EVC2: variants seen among roughly 807,000 people sequenced by gnomAD.
EVC2 encodes the protein EvC ciliary complex subunit 2.
Under a neutral mutation model 149.3 loss-of-function variants are expected in EVC2, and 148 were observed. That is an observed-to-expected ratio of 0.99 (90% CI 0.87 to 1.14). The LOEUF is 1.14. EVC2 is among the 50% of genes most tolerant of loss of function. The pLI is 0.00. For missense variants in EVC2, 1,854 were observed against 1,627.3 expected, an observed-to-expected ratio of 1.14 and a Z score of -2.40; for synonymous variants, 776 against 649.9, an observed-to-expected ratio of 1.19 and a Z score of -2.95.
chr4:5,604,311 A>G (rs1476657138), intron 16 of EVC2, among the ~76,000 whole-genome samples: 1 of 152,250 alleles, frequency 6.6e-6, no homozygotes, highest in Non-Finnish European at 1.5e-5. Context: ...CAAGTTTCAG[A>G]TAAAGCAAAA....
chr4:5,650,669 A>AGAGAGAGC (rs1384318671), intron 9 of EVC2, among the ~76,000 whole-genome samples: 9 of 139,622 alleles, frequency 6.4e-5, no homozygotes, highest in Admixed American at 1.5e-4. Flanking sequence ...AGAGAGAGAG[A>AGAGAGAGC]GAGCCATTTA....
At chr4:5,653,400 T>A (rs892302681) in intron 9 of EVC2, among the ~76,000 whole-genome samples, 2 of 152,178 alleles carry the variant, frequency 1.3e-5, no homozygotes, top group Non-Finnish European at 2.9e-5. Context: ...CTATTCCTGC[T>A]CTAGCCAAGA....
intron 7 of EVC2, among the ~76,000 whole-genome samples, chr4:5,668,547 G>C (rs781024075): frequency 1.3e-5 from 2 of 152,000 alleles, no homozygotes; most frequent in African/African-American, 4.8e-5. Flanking sequence ...TACTAGACAA[G>C]AAAAAAATCG....
In EVC2 at chr4:5,568,597, G is replaced by A. The variant is rs1157866730; in HGVS notation, c.3404C>T (p.Pro1135Leu). 6.2e-7 allele frequency: 1 copy of A among 1,608,998 alleles called. No homozygotes were observed. ...ASYLARMAMV[P>L]GATLRRLLSV... ...CAGGAGCCGGCGAAGCGTGGCCCCG[G>A]GCACCATGGCCATCCTCGCCAGGTA... The change falls in exon 20 of 22, where the codon CCC becomes CTC. Residue 1135 changes from proline (P) to leucine (L), a missense_variant. Physicochemically the swap from Pro to Leu is moderately conservative, Grantham distance 98. Transcript: ENST00000344408.
At chr4:5,683,858 A>G (rs1307568657) in intron 6 of EVC2, among the ~76,000 whole-genome samples, 3 of 149,830 alleles carry the variant, frequency 2.0e-5, no homozygotes, top group Non-Finnish European at 4.4e-5. Context: ...ACAGCTGCCC[A>G]GGAACACGCA....
At position 5,613,976 on chromosome 4, in the gene EVC2, GC is replaced by G. The variant is rs1016482166; in HGVS notation, c.2829+1445del. ...TACACCGGCACTAAAATAAAAACAA[GC>G]AAAAAAGCTAGAAAAAGGAGACAGG... On this transcript the variant is annotated intron_variant, in intron 16 of 21. Coordinates refer to ENST00000344408, the MANE Select transcript of EVC2 (RefSeq NM_147127.5). The surrounding 1 kb of genome is among the most constrained non-coding windows in gnomAD (Gnocchi z 4.6). Among the ~76,000 whole-genome samples the G allele has an allele frequency of 5.9e-5, 9 of 152,012 alleles. No individual in the cohort carries two copies. The highest frequency in any genetic ancestry group is 5.2e-4 in the Admixed American group (8 of 15,270).
At chr4:5,598,717 A>G (rs1362086933) in intron 16 of EVC2, among the ~76,000 whole-genome samples, 1 of 152,182 alleles carries the variant, frequency 6.6e-6, no homozygotes. Flanking sequence ...AAATTGACAA[A>G]TGGGATCTCA....
chr4:5,694,620 A>G (rs1721347813), intron 2 of EVC2, 119 bp from the exon 3 acceptor site: 2 of 1,114,422 alleles, frequency 1.8e-6, no homozygotes. Flanking sequence ...TTTGTTGGGT[A>G]AGTAAGTTAA....
chr4:5,681,450 A>G (rs762944941), intron 6 of EVC2, 137 bp from the exon 7 acceptor site: 9 of 861,822 alleles, frequency 1.0e-5, no homozygotes, highest in Non-Finnish European at 1.7e-5. Context: ...GAGCTTGTGA[A>G]GGTCTCACCA....
intron 9 of EVC2, among the ~76,000 whole-genome samples, chr4:5,642,045 T>C (rs1233570617): frequency 7.5e-6 from 1 of 132,978 alleles, no homozygotes; most frequent in Non-Finnish European, 1.6e-5. Context: ...CAGTGTTTGG[T>C]TTTCTGTTCC....
At chr4:5,661,762 AT>A (rs956186595) in intron 9 of EVC2, among the ~76,000 whole-genome samples, 3 of 152,226 alleles carry the variant, frequency 2.0e-5, no homozygotes, top group African/African-American at 7.2e-5. Context: ...TTGGGCAATG[AT>A]TAAAAGCCTG....
At chr4:5,588,665 T>C (rs955809776) in intron 16 of EVC2, among the ~76,000 whole-genome samples, 2 of 152,154 alleles carry the variant, frequency 1.3e-5, no homozygotes, top group Non-Finnish European at 2.9e-5. Flanking sequence ...CACACACATG[T>C]GTATGTGTGT....
Position 5,696,337 on chromosome 4 carries a change from A to T in EVC2, c.283+1256T>A, listed in dbSNP as rs1274706559. Among the ~76,000 whole-genome samples the T allele has an allele frequency of 6.6e-6, 1 of 152,160 alleles. No homozygotes were observed. The highest frequency in any genetic ancestry group is 1.5e-5 in the Non-Finnish European group (1 of 68,026). ...TCCCTTCAGAGAGGACCCCTCCTCT[A>T]TTCAGCAAGAATCCCGCTCAGTCTA... On this transcript the variant is annotated intron_variant, in intron 2 of 21. Transcript: ENST00000344408. This position sits in a 1 kb window ranked among gnomAD's most constrained non-coding sequence, Gnocchi z 4.1.
At chr4:5,533,482 C>T in the EVC2 span, among the ~76,000 whole-genome samples, 8 of 152,136 alleles carry the variant, frequency 5.3e-5, no homozygotes, top group South Asian at 1.2e-3. Flanking sequence ...TAGAAAGGAA[C>T]GTGGCTTTTT....
intron 19 of EVC2, among the ~76,000 whole-genome samples, chr4:5,570,478 C>G (rs1047518065): frequency 5.9e-5 from 9 of 152,190 alleles, no homozygotes; most frequent in African/African-American, 1.7e-4. Flanking sequence ...AGCTTTGAAT[C>G]TGATGCCACA....
chr4:5,600,363 C>G (rs1278996990), intron 16 of EVC2, among the ~76,000 whole-genome samples: 1 of 152,080 alleles, frequency 6.6e-6, no homozygotes, highest in Non-Finnish European at 1.5e-5. Flanking sequence ...TTGCACAAAA[C>G]AGATAAAAAT....
At chr4:5,604,262 G>A (rs1714215564) in intron 16 of EVC2, among the ~76,000 whole-genome samples, 1 of 152,194 alleles carries the variant, frequency 6.6e-6, no homozygotes, top group South Asian at 2.1e-4. Flanking sequence ...GCTGTGAAAA[G>A]TAACAAGGGA....
rs143692036 is a variant in EVC2 at position 5,678,989 on chromosome 4, C to T, written c.870+2271G>A. On this transcript the variant is annotated intron_variant, in intron 7 of 21. Coordinates refer to ENST00000344408, the MANE Select transcript of EVC2 (RefSeq NM_147127.5). The stretch of plus-strand genomic sequence containing the variant: ...GAGGTTGCAGTGAGCTGAGAACGTA[C>T]CACTGCACTCCAGCCTGGGCGACAA... Among the ~76,000 whole-genome samples, 1,112 of 151,634 alleles carry T rather than the reference C, an allele frequency of 7.3e-3. 15 individuals carry two copies. Among genetic ancestry groups the T allele is most frequent in the African/African-American group, 0.025 (1,036 of 41,290 alleles).
intron 21 of EVC2, 143 bp downstream of exon 21, chr4:5,565,115 A>G (rs1722191391): frequency 1.3e-6 from 1 of 767,560 alleles, no homozygotes; most frequent in Non-Finnish European, 2.3e-6. Flanking sequence ...CCCACTGAAT[A>G]AAGATTTGTG....
Sources: allele counts gnomAD v4.1 joint callset (sites outside exome capture counted in the v4.1 genomes callset), GRCh38; gene constraint gnomAD v4.1.1; non-coding constraint Gnocchi (gnomAD v3.1); transcripts MANE v1.5; gene names NCBI Gene and HGNC (gene_info 2026-07-23, HGNC 2026-07-21).